The following TENM2 variants were observed in gnomAD, a reference collection of about 807,000 sequenced individuals.
TENM2 encodes teneurin transmembrane protein 2.
Under a neutral mutation model 245.2 loss-of-function variants are expected in TENM2, and 52 were observed. That is an observed-to-expected ratio of 0.21 (90% CI 0.17 to 0.27). The LOEUF (loss-of-function observed/expected upper bound fraction) is 0.27. Among genes scored for constraint, TENM2 ranks in the 10% least tolerant of loss-of-function variants. The pLI, the probability that TENM2 is intolerant of heterozygous loss-of-function variation, is 1.00. For missense variants in TENM2, 3,046 were observed against 3,666.8 expected (o/e 0.83, Z 4.37); for synonymous variants, 1,363 against 1,438.9 (o/e 0.95, Z 1.19).
intron 2 of TENM2, among the ~76,000 whole-genome samples, chr5:167,417,045 G>T (rs1299945608): frequency 1.3e-5 from 2 of 151,992 alleles, no homozygotes; most frequent in Non-Finnish European, 2.9e-5. Flanking sequence ...ATTGTCTTAG[G>T]ATCTTATTTT....
intron 6 of TENM2, among the ~76,000 whole-genome samples, chr5:168,060,940 T>C (rs1422025467): frequency 6.6e-6 from 1 of 152,140 alleles, no homozygotes; most frequent in East Asian, 1.9e-4. Context: ...AAATGATAGA[T>C]AAATATTTTT....
intron 2 of TENM2, among the ~76,000 whole-genome samples, chr5:167,744,243 C>G (rs139576269): frequency 2.0e-5 from 3 of 152,160 alleles, no homozygotes; most frequent in African/African-American, 7.2e-5. Flanking sequence ...TTCCTCCTCC[C>G]TGTCTGGACT....
chr5:168,201,412 A>C (rs1006284030), intron 17 of TENM2, among the ~76,000 whole-genome samples: 4 of 152,002 alleles, frequency 2.6e-5, no homozygotes, highest in Non-Finnish European at 5.9e-5. Context: ...AGTAGACTAA[A>C]TATTGTAATT....
chr5:168,190,171 G>A (rs1760822542), intron 13 of TENM2, among the ~76,000 whole-genome samples, 166 bp from the exon 16 acceptor site: 2 of 152,166 alleles, frequency 1.3e-5, no homozygotes, highest in South Asian at 4.1e-4. Context: ...TTTTCTATGT[G>A]TATGGATTGG....
chr5:167,085,851 G>A, the TENM2 span, among the ~76,000 whole-genome samples: 1 of 152,184 alleles, frequency 6.6e-6, no homozygotes, highest in African/African-American at 2.4e-5. Flanking sequence ...CCTACAGGTC[G>A]AAGTTTTAAG....
intron 2 of TENM2, among the ~76,000 whole-genome samples, chr5:167,807,328 G>T (rs1343347570): frequency 2.0e-5 from 3 of 151,824 alleles, no homozygotes; most frequent in African/African-American, 7.3e-5. Context: ...CATCCCTAAA[G>T]CAATTGCTCT....
In TENM2 at chr5:167,936,258, G is replaced by A. The variant is rs545550647; in HGVS notation, c.713-16330G>A. On this transcript the variant is annotated intron_variant, in intron 3 of 28. Coordinates refer to ENST00000518659, the Ensembl canonical transcript of TENM2. ...TGTGCTGAGTGTCAGTAGAGAAGCC[G>A]ACAGCTTTGTACAGTGAAACCATTC... 3.3e-5 allele frequency among the ~76,000 whole-genome samples: 5 copies of A among 152,312 alleles called. No homozygotes were observed. The South Asian group carries it at 1.0e-3, about 32-fold the overall frequency.
chr5:168,206,654 C>T (rs1762369626), intron 19 of TENM2, among the ~76,000 whole-genome samples: 1 of 152,182 alleles, frequency 6.6e-6, no homozygotes, highest in South Asian at 2.1e-4. Flanking sequence ...TTTTCCTAGA[C>T]TTGCCCATCC....
At chr5:167,311,825 A>C (rs901455992) in intron 1 of TENM2, among the ~76,000 whole-genome samples, 5 of 152,200 alleles carry the variant, frequency 3.3e-5, no homozygotes, top group Non-Finnish European at 1.5e-5. Flanking sequence ...TCATATTCTA[A>C]ATTTTTCAGC....
chr5:168,210,286 C>G (rs902536272), intron 19 of TENM2, among the ~76,000 whole-genome samples: 1 of 152,136 alleles, frequency 6.6e-6, no homozygotes, highest in African/African-American at 2.4e-5. Context: ...TCCTTCACCC[C>G]GCCCTTCTCC....
At chr5:168,077,987 C>T (rs1303139918) in intron 7 of TENM2, among the ~76,000 whole-genome samples, 4 of 152,154 alleles carry the variant, frequency 2.6e-5, no homozygotes, top group Non-Finnish European at 4.4e-5. Flanking sequence ...GTTCTAGATC[C>T]TTGAGGAATT....
chr5:168,179,127 T>C (rs34978256), intron 13 of TENM2, among the ~76,000 whole-genome samples: 9,873 of 114,656 alleles, frequency 0.086, 436 homozygotes, highest in Middle Eastern at 0.18. Context: ...AGAGTGAGAC[T>C]CTGCCTGAAA....
exon 7 of TENM2, chr5:168,062,093 G>C: frequency 1.2e-6 from 2 of 1,612,142 alleles, no homozygotes; most frequent in African/African-American, 2.7e-5. Context: ...AGCATAGACA[G>C]TGGTGAAGCA....
chr5:167,611,445 G>C (rs1442404989), intron 2 of TENM2, among the ~76,000 whole-genome samples: 1 of 152,020 alleles, frequency 6.6e-6, no homozygotes, highest in Non-Finnish European at 1.5e-5. Flanking sequence ...CACAGAAGGA[G>C]GCTGCATCCC....
chr5:167,374,637 G>A (rs947236157), intron 1 of TENM2, among the ~76,000 whole-genome samples: 3 of 152,026 alleles, frequency 2.0e-5, no homozygotes, highest in Admixed American at 6.6e-5. Flanking sequence ...GCTGCCACTC[G>A]TATTCATTAG....
At chr5:167,753,966 T>C (rs1028589936) in intron 2 of TENM2, among the ~76,000 whole-genome samples, 11 of 152,204 alleles carry the variant, frequency 7.2e-5, no homozygotes, top group African/African-American at 2.7e-4. Context: ...AGTCATCCTG[T>C]TTCCTTCCTC....
chr5:167,533,417 AGGT>A (rs557519306), intron 2 of TENM2, among the ~76,000 whole-genome samples: 2 of 152,174 alleles, frequency 1.3e-5, no homozygotes, highest in South Asian at 4.2e-4. Flanking sequence ...GAAATTGGCC[AGGT>A]GGTTGTTTTT....
chr5:167,780,121 C>T (rs183292025), intron 2 of TENM2, among the ~76,000 whole-genome samples: 3 of 152,316 alleles, frequency 2.0e-5, no homozygotes, highest in Admixed American at 2.0e-4. Flanking sequence ...CTGAATCACA[C>T]AGCACAAATG....
intron 5 of TENM2, among the ~76,000 whole-genome samples, chr5:168,037,089 G>C (rs73803851): frequency 0.015 from 2,343 of 152,158 alleles, 58 homozygotes; most frequent in African/African-American, 0.052. Context: ...AGTTTTAAAT[G>C]TTTCAGGTTA....
Sources: gnomAD v4.1 joint callset for allele counts (sites outside exome capture counted in the v4.1 genomes callset) on GRCh38, gnomAD v4.1.1 for gene constraint, MANE v1.5 for transcripts, NCBI Gene and HGNC (gene_info 2026-07-23, HGNC 2026-07-21) for gene names.